C2orf42: variants seen among roughly 807,000 people sequenced by gnomAD.
The protein encoded by C2orf42 is uncharacterized protein C2orf42.
In C2orf42, 44 loss-of-function variants were observed where a neutral mutation model predicts 58.9. That is an observed-to-expected ratio of 0.75 (90% CI 0.59 to 0.96). The LOEUF (loss-of-function observed/expected upper bound fraction) is 0.96, where lower values mean the gene tolerates loss of function less well. Ranked by LOEUF, C2orf42 falls within the 40% of genes least tolerant of loss-of-function variation. The pLI is 0.00. For missense variants in C2orf42, 630 were observed against 699.2 expected (o/e 0.90, Z 1.12); for synonymous variants, 239 against 265.4 (o/e 0.90, Z 0.97).
intron 9 of C2orf42, among the ~76,000 whole-genome samples, chr2:70,158,466 T>TTGAGACAGAGTC (rs981053568): frequency 6.6e-6 from 1 of 151,740 alleles, no homozygotes; most frequent in Non-Finnish European, 1.5e-5. Flanking sequence ...TTGTTTGTTT[T>TTGAGACAGAGTC]TGAGACAGAG....
Position 70,188,313 on chromosome 2 carries a change from G to A in C2orf42, c.-282+2660C>T, listed in dbSNP as rs530550126. Among the ~76,000 whole-genome samples the A allele has an allele frequency of 9.9e-5, 15 of 151,972 alleles. No individual in the cohort carries two copies. The East Asian group carries it at 2.9e-3, about 29-fold the overall frequency. On this transcript the variant is annotated intron_variant, in intron 1 of 9. Coordinates refer to ENST00000264434, the MANE Select transcript of C2orf42 (RefSeq NM_017880.3). Reference sequence around the variant, plus strand: ...AGCAATTCTCCTGCCTCAGCCTCCTGAGTAGCTGGGATTACAGGCGTCCAC... The same window carrying A: ...AGCAATTCTCCTGCCTCAGCCTCCTAAGTAGCTGGGATTACAGGCGTCCAC...
chr2:70,155,186 G>C (rs1672584515), intron 9 of C2orf42, among the ~76,000 whole-genome samples: 1 of 152,092 alleles, frequency 6.6e-6, no homozygotes, highest in Non-Finnish European at 1.5e-5. Flanking sequence ...GGAGGTTGCA[G>C]TGAGCAAGAT....
rs550928452 is a variant in C2orf42, at chr2:70,149,933, G to A, written c.*423C>T. The A allele has an allele frequency of 1.6e-5, 3 of 187,130 alleles. No homozygotes were observed. The highest frequency in any genetic ancestry group is 1.9e-4 in the South Asian group (2 of 10,460). 11.6% of individuals were successfully genotyped at this position (187,130 alleles called of 1,614,324 possible). A position where few individuals can be genotyped will look rare whatever the true frequency, so the allele number is the denominator to read the frequency against. ...TTTATTTGAGAACAGAATAAAGAGCGTGGCTGGAACTCTGCCAAGATGGTC... is the reference window on the plus strand; with the variant it reads ...TTTATTTGAGAACAGAATAAAGAGCATGGCTGGAACTCTGCCAAGATGGTC... On this transcript the variant is annotated 3_prime_UTR_variant, in exon 10 of 10. Coordinates refer to ENST00000264434, the MANE Select transcript of C2orf42 (RefSeq NM_017880.3).
chr2:70,184,191 C>CT (rs1674770658), intron 1 of C2orf42, among the ~76,000 whole-genome samples: 1 of 143,110 alleles, frequency 7.0e-6, no homozygotes, highest in Non-Finnish European at 1.5e-5. Flanking sequence ...CTTATTTGTA[C>CT]TTTCCAATTT....
intron 9 of C2orf42, 43 bp from the exon 10 acceptor site, chr2:70,150,607 T>C (rs780175618): frequency 2.3e-5 from 34 of 1,447,340 alleles, no homozygotes; most frequent in Non-Finnish European, 3.2e-5. Flanking sequence ...CACCTAACTC[T>C]AATGGGTGTT....
chr2:70,166,867 T>C (rs1234264217), intron 6 of C2orf42, among the ~76,000 whole-genome samples: 1 of 152,154 alleles, frequency 6.6e-6, no homozygotes, highest in Non-Finnish European at 1.5e-5. Flanking sequence ...GATTCCCTTT[T>C]GCTCGCTATC....
intron 4 of C2orf42, among the ~76,000 whole-genome samples, chr2:70,179,028 G>A (rs1226164209): frequency 6.6e-6 from 1 of 152,034 alleles, no homozygotes; most frequent in Non-Finnish European, 1.5e-5. Context: ...AATTAGTGTG[G>A]GGAATATAAC....
chr2:70,189,280 C>T (rs2103689551), intron 1 of C2orf42, among the ~76,000 whole-genome samples: 2 of 151,592 alleles, frequency 1.3e-5, no homozygotes, highest in South Asian at 4.2e-4. Context: ...GTGACGTATG[C>T]CTGTAATCCC....
intron 6 of C2orf42, among the ~76,000 whole-genome samples, chr2:70,168,820 C>T (rs575529880): frequency 1.3e-4 from 20 of 150,306 alleles, no homozygotes; most frequent in African/African-American, 4.6e-4. Flanking sequence ...TCAAGCAATT[C>T]TCCCACCTCA....
chr2:70,178,987 C>G (rs993440540), intron 4 of C2orf42, among the ~76,000 whole-genome samples: 13 of 151,306 alleles, frequency 8.6e-5, no homozygotes, highest in Non-Finnish European at 1.8e-4. Context: ...TCTCCATATA[C>G]TGAAAATGAA....
chr2:70,155,204 C>T (rs1236453985), intron 9 of C2orf42, among the ~76,000 whole-genome samples: 1 of 151,884 alleles, frequency 6.6e-6, no homozygotes, highest in Non-Finnish European at 1.5e-5. Flanking sequence ...GATCGCACCA[C>T]TGCACTCCAG....
intron 4 of C2orf42, 56 bp downstream of exon 4, chr2:70,179,476 C>G (rs184374033): frequency 4.9e-6 from 3 of 610,710 alleles, no homozygotes; most frequent in Non-Finnish European, 9.0e-6. Flanking sequence ...AGACATAAAA[C>G]GCAGTAAAAC....
At chr2:70,190,678 C>A (rs544802930) in intron 1 of C2orf42, 16 of 152,324 alleles carry the variant, frequency 1.1e-4, no homozygotes, top group Non-Finnish European at 2.3e-4. Context: ...CCGCCCGACT[C>A]CGGGACGCTC....
chr2:70,182,303 T>C (rs1674639130), intron 2 of C2orf42: 1 of 209,112 alleles, frequency 4.8e-6, no homozygotes. Context: ...TTTGACCATG[T>C]TGGCCAGGCT....
intron 1 of C2orf42, among the ~76,000 whole-genome samples, chr2:70,189,578 G>A (rs1410878523): frequency 4.0e-5 from 6 of 151,406 alleles, no homozygotes; most frequent in Admixed American, 2.0e-4. Flanking sequence ...TTAGCTGGGC[G>A]AGGTGGCGGG....
At chr2:70,187,943 G>A (rs957346755) in intron 1 of C2orf42, among the ~76,000 whole-genome samples, 1 of 151,876 alleles carries the variant, frequency 6.6e-6, no homozygotes, top group Non-Finnish European at 1.5e-5. Context: ...CACCCACCTC[G>A]GCCTCCCAAA....
Position 70,169,564 on chromosome 2 carries a change from C to CAAACCA in C2orf42, c.1136_1137insTGGTTT (p.Gln379delinsHisGlyLeu). The CAAACCA allele has an allele frequency of 6.5e-7, 1 of 1,546,690 alleles. No individual in the cohort carries two copies. Among genetic ancestry groups the CAAACCA allele is most frequent in the Non-Finnish European group, 8.9e-7 (1 of 1,118,776 alleles). ...TAGATGAACAATACTTACCATCAAACTGATAGTGCATGGTTTGATGGATGC... is the reference window on the plus strand; with the variant it reads ...TAGATGAACAATACTTACCATCAAACAAACCATGATAGTGCATGGTTTGATGGATGC... On this transcript the variant is annotated protein_altering_variant, in exon 6 of 10. Coordinates refer to ENST00000264434, the MANE Select transcript of C2orf42 (RefSeq NM_017880.3).
intron 9 of C2orf42, 51 bp from the exon 10 acceptor site, chr2:70,150,615 G>T: frequency 1.5e-6 from 2 of 1,366,490 alleles, no homozygotes; most frequent in Non-Finnish European, 1.0e-6. Flanking sequence ...TCTAATGGGT[G>T]TTCCTAATTG....
At position 70,185,361 on chromosome 2, in the gene C2orf42, T is replaced by C. The variant is rs532541457; in HGVS notation, c.-281-2426A>G. 3.3e-5 allele frequency among the ~76,000 whole-genome samples: 5 copies of C among 151,330 alleles called. No homozygotes were observed. In the South Asian group the frequency reaches 1.0e-3, roughly 32 times the overall value. ...AGGCAGAGGTTGCAGTGAGCTGAGA[T>C]CACGCCATTGCACTCCAGCATGGGT... On this transcript the variant is annotated intron_variant, in intron 1 of 9. Coordinates refer to ENST00000264434, the MANE Select transcript of C2orf42 (RefSeq NM_017880.3).
Sources: gnomAD v4.1 joint callset for allele counts (sites outside exome capture counted in the v4.1 genomes callset) on GRCh38, gnomAD v4.1.1 for gene constraint, MANE v1.5 for transcripts, NCBI Gene and HGNC (gene_info 2026-07-23, HGNC 2026-07-21) for gene names.